The following ERP27 variants were observed in gnomAD, a reference collection of about 807,000 sequenced individuals.
The protein encoded by ERP27 is endoplasmic reticulum resident protein 27.
In ERP27, 23 loss-of-function variants were observed where a neutral mutation model predicts 27.7. That is an observed-to-expected ratio of 0.83 (90% CI 0.60 to 1.18). The LOEUF (loss-of-function observed/expected upper bound fraction) is 1.18, where lower values mean the gene tolerates loss of function less well. Among genes scored for constraint, ERP27 ranks in the 50% most tolerant of loss-of-function variants. The pLI is 0.00. For missense variants in ERP27, 363 were observed against 327.9 expected (o/e 1.11, Z -0.83); for synonymous variants, 159 against 118.3 (o/e 1.34, Z -2.23).
chr12:14,928,809 G>A, intron 3 of ERP27: 2 of 797,218 alleles, frequency 2.5e-6, no homozygotes, highest in Non-Finnish European at 4.0e-6. Flanking sequence ...AAGGTCTTAG[G>A]TAGATCCTTG....
intron 3 of ERP27, among the ~76,000 whole-genome samples, chr12:14,932,787 T>A (rs1193413667): frequency 6.6e-6 from 1 of 151,698 alleles, no homozygotes; most frequent in Non-Finnish European, 1.5e-5. Context: ...GTAGAAGGAG[T>A]GGAGGAGAAT....
chr12:14,932,118 G>A (rs1026787659), intron 3 of ERP27, among the ~76,000 whole-genome samples: 2 of 152,120 alleles, frequency 1.3e-5, no homozygotes, highest in African/African-American at 4.8e-5. Flanking sequence ...TGCCTTTAAG[G>A]TGCCAGAGGT....
At chr12:14,934,435 G>A (rs982639050) in intron 3 of ERP27, among the ~76,000 whole-genome samples, 1 of 152,026 alleles carries the variant, frequency 6.6e-6, no homozygotes, top group African/African-American at 2.4e-5. Flanking sequence ...ATCTTGCATA[G>A]GGCATACAGG....
chr12:14,929,638 G>T (rs1277158612), intron 3 of ERP27, among the ~76,000 whole-genome samples: 1 of 152,088 alleles, frequency 6.6e-6, no homozygotes, highest in African/African-American at 2.4e-5. Flanking sequence ...TGGAAATATT[G>T]CTACCTTAAA....
chr12:14,937,612 C>T (rs1017545631), intron 2 of ERP27, among the ~76,000 whole-genome samples: 1 of 152,128 alleles, frequency 6.6e-6, no homozygotes, highest in African/African-American at 2.4e-5. Flanking sequence ...TCATAGGGTG[C>T]TATGAGAGTA....
chr12:14,916,427 G>T (rs554199711), intron 5 of ERP27, among the ~76,000 whole-genome samples: 2 of 152,110 alleles, frequency 1.3e-5, no homozygotes, highest in South Asian at 4.2e-4. Context: ...GGCTTTTGGT[G>T]GGGGAAATTA....
chr12:14,931,789 A>G (rs1406451213), intron 3 of ERP27, among the ~76,000 whole-genome samples: 2 of 152,028 alleles, frequency 1.3e-5, no homozygotes, highest in African/African-American at 4.8e-5. Flanking sequence ...TGGTGGTACT[A>G]AGCCTTTTAA....
chr12:14,922,790 G>A (rs535895251), intron 3 of ERP27, among the ~76,000 whole-genome samples: 8 of 152,122 alleles, frequency 5.3e-5, no homozygotes, highest in Non-Finnish European at 1.2e-4. Flanking sequence ...TGGACGCTAA[G>A]GTAGGCCAGG....
intron 2 of ERP27, among the ~76,000 whole-genome samples, chr12:14,935,811 T>C (rs1863765055): frequency 6.6e-6 from 1 of 152,234 alleles, no homozygotes; most frequent in African/African-American, 2.4e-5. Flanking sequence ...CACTGCAACC[T>C]CTGCCTCACG....
At position 14,936,570 on chromosome 12, in the gene ERP27, T is replaced by C. The variant is rs147044416; in HGVS notation, c.195+1382A>G. On this transcript the variant is annotated intron_variant, in intron 2 of 6. Coordinates refer to ENST00000266397, the MANE Select transcript of ERP27 (RefSeq NM_152321.4). ...AGTTGATATGGTTTGGCTGTGTCCT[T>C]ACCTAAAATCTCATCTTTAAATGTA... 4.2e-3 allele frequency among the ~76,000 whole-genome samples: 647 copies of C among 152,316 alleles called. 8 individuals are homozygous for C. Among genetic ancestry groups the C allele is most frequent in the African/African-American group, 0.014 (591 of 41,572 alleles).
intron 3 of ERP27, among the ~76,000 whole-genome samples, chr12:14,925,858 A>G (rs1863593281): frequency 6.6e-6 from 1 of 152,102 alleles, no homozygotes; most frequent in African/African-American, 2.4e-5. Flanking sequence ...CCACAAGGTC[A>G]GGAGATCGAG....
chr12:14,919,523 A>G (rs1157268528), intron 4 of ERP27, among the ~76,000 whole-genome samples: 1 of 152,158 alleles, frequency 6.6e-6, no homozygotes, highest in Non-Finnish European at 1.5e-5. Flanking sequence ...ATGTGTTTGG[A>G]GCCTTAGCAG....
chr12:14,938,141 C>T (rs1451339209), intron 1 of ERP27, 89 bp from the exon 2 acceptor site: 34 of 1,104,652 alleles, frequency 3.1e-5, no homozygotes, highest in Non-Finnish European at 3.8e-5. Context: ...TATCTCTATA[C>T]TAAGGGCAAG....
intron 3 of ERP27, among the ~76,000 whole-genome samples, chr12:14,930,074 TA>T (rs1264059149): frequency 6.6e-6 from 1 of 151,908 alleles, no homozygotes. Flanking sequence ...ATGCGGGGCT[TA>T]AAACCTAGGT....
chr12:14,935,343 T>C (rs1206656862), intron 2 of ERP27, among the ~76,000 whole-genome samples: 4 of 152,220 alleles, frequency 2.6e-5, no homozygotes, highest in Non-Finnish European at 5.9e-5. Flanking sequence ...GCAACTCTTC[T>C]GGGAACAATT....
At chr12:14,928,917 C>T (rs775091796) in intron 3 of ERP27, 5 of 1,530,346 alleles carry the variant, frequency 3.3e-6, no homozygotes, top group African/African-American at 1.4e-5. Context: ...ATTTGCAGCT[C>T]CTCTAGATAC....
chr12:14,938,513 C>T lies in ERP27; in HGVS notation c.-5G>A. On this transcript the variant is annotated 5_prime_UTR_variant, in exon 1 of 7. Transcript: ENST00000266397. ...CCTGGACGGGGCAGCTTCCATTGTCCCTCTCCTGCTCCTGCTCCAACCCTG... is the reference window on the plus strand; with the variant it reads ...CCTGGACGGGGCAGCTTCCATTGTCTCTCTCCTGCTCCTGCTCCAACCCTG... 6.2e-7 allele frequency: 1 copy of T among 1,605,428 alleles called. No homozygotes were observed. Among genetic ancestry groups the T allele is most frequent in the South Asian group, 1.1e-5 (1 of 90,272 alleles).
intron 6 of ERP27, 146 bp downstream of exon 6, chr12:14,915,343 A>G: frequency 1.4e-6 from 1 of 710,480 alleles, no homozygotes; most frequent in Non-Finnish European, 2.4e-6. Context: ...AGAACACTAG[A>G]CATTCCTCCT....
Position 14,914,565 on chromosome 12 carries a change from T to TGC in ERP27, c.*169_*170insGC. The TGC allele has an allele frequency of 1.9e-6, 1 of 525,040 alleles. No homozygotes were observed. Among genetic ancestry groups the TGC allele is most frequent in the Non-Finnish European group, 3.2e-6 (1 of 310,060 alleles). The allele number at this position is 525,040 out of a possible 1,614,324, so 32.5% of individuals were successfully genotyped here. On this transcript the variant is annotated 3_prime_UTR_variant, in exon 7 of 7. Coordinates refer to ENST00000266397, the MANE Select transcript of ERP27 (RefSeq NM_152321.4). ...AAGACAGGAAATGAAGCTCTGTGTG[T>TGC]GTGTGTGTGTGTGCGTGTGTGTGTG...
Sources: allele counts gnomAD v4.1 joint callset (sites outside exome capture counted in the v4.1 genomes callset), GRCh38; gene constraint gnomAD v4.1.1; transcripts MANE v1.5; gene names NCBI Gene and HGNC (gene_info 2026-07-23, HGNC 2026-07-21).